Variants in DIAPH2 observed in about 807,000 individuals in gnomAD.
DIAPH2 encodes protein diaphanous homolog 2.
Under a neutral mutation model 92.7 loss-of-function variants are expected in DIAPH2, and 35 were observed. The observed-to-expected ratio is 0.38, with a 90% CI of 0.29 to 0.50. DIAPH2 has a LOEUF of 0.50. Among genes scored for constraint, DIAPH2 ranks in the 20% least tolerant of loss-of-function variants. DIAPH2 has a pLI of 0.94. For synonymous variants in DIAPH2, 301 were observed against 280.4 expected, an observed-to-expected ratio of 1.07 and a Z score of -0.73; for missense variants, 701 against 819.5, an observed-to-expected ratio of 0.86 and a Z score of 1.77.
chrX:97,576,268 G>A (rs889723687), intron 26 of DIAPH2, among the ~76,000 whole-genome samples: 3 of 111,572 alleles, frequency 2.7e-5, no homozygotes, highest in Admixed American at 1.9e-4. Context: ...TGTGCAGACT[G>A]CAGTCAGACA....
chrX:97,051,649 GTTCT>G (rs754300054), intron 17 of DIAPH2, among the ~76,000 whole-genome samples: 1 of 110,551 alleles, frequency 9.0e-6, no homozygotes, highest in Non-Finnish European at 1.9e-5. Flanking sequence ...ATAATGTGGG[GTTCT>G]TTAATTAGCT....
At chrX:96,921,926 C>T (rs2065548064) in intron 9 of DIAPH2, among the ~76,000 whole-genome samples, 1 of 111,088 alleles carries the variant, frequency 9.0e-6, no homozygotes, top group South Asian at 3.8e-4. Flanking sequence ...TACAATCCAA[C>T]TGTGGTAGTG....
intron 4 of DIAPH2, among the ~76,000 whole-genome samples, chrX:96,760,614 T>C (rs1255457614): frequency 9.0e-6 from 1 of 111,372 alleles, no homozygotes; most frequent in Non-Finnish European, 1.9e-5. Flanking sequence ...TCTATCATGC[T>C]CCTGGGTTCT....
intron 4 of DIAPH2, chrX:96,763,005 C>A: frequency 1.5e-6 from 1 of 646,664 alleles, no homozygotes; most frequent in Non-Finnish European, 2.1e-6. Context: ...ATTTACTAAA[C>A]ACTTAACCTC....
intron 4 of DIAPH2, among the ~76,000 whole-genome samples, chrX:96,775,860 T>A (rs1369897241): frequency 1.8e-5 from 2 of 111,603 alleles, no homozygotes; most frequent in African/African-American, 6.5e-5. Context: ...ACAGTACACA[T>A]TTAAATCATT....
chrX:97,058,132 A>G (rs1294888373), intron 17 of DIAPH2, among the ~76,000 whole-genome samples: 1 of 111,546 alleles, frequency 9.0e-6, no homozygotes, highest in African/African-American at 3.3e-5. Context: ...TGAACAGTAT[A>G]ATCTCTTTTG....
intron 25 of DIAPH2, among the ~76,000 whole-genome samples, chrX:97,428,116 T>C (rs1197829440): frequency 9.0e-6 from 1 of 111,651 alleles, no homozygotes; most frequent in African/African-American, 3.3e-5. Flanking sequence ...TTTTTTTCAT[T>C]CAATACCCCA....
chrX:96,847,693 A>C (rs977213841), intron 4 of DIAPH2, among the ~76,000 whole-genome samples: 1 of 110,579 alleles, frequency 9.0e-6, no homozygotes, highest in African/African-American at 3.3e-5. Flanking sequence ...GGTAAATTGC[A>C]TGTTGAGGGA....
At chrX:96,816,634 A>G (rs1166875305) in intron 4 of DIAPH2, among the ~76,000 whole-genome samples, 3 of 112,264 alleles carry the variant, frequency 2.7e-5, no homozygotes, top group Non-Finnish European at 5.6e-5. Context: ...GGGAATGTAA[A>G]TCAATACAAC....
chrX:97,278,108 T>C (rs2068466912), intron 23 of DIAPH2, among the ~76,000 whole-genome samples: 1 of 112,187 alleles, frequency 8.9e-6, no homozygotes, highest in African/African-American at 3.2e-5. Flanking sequence ...CCTCCCAAAG[T>C]GCTGGGACTA....
intron 7 of DIAPH2, among the ~76,000 whole-genome samples, chrX:96,915,772 C>T (rs1420953123): frequency 1.8e-5 from 2 of 111,750 alleles, no homozygotes; most frequent in Non-Finnish European, 3.8e-5. Flanking sequence ...TTATTAAGTG[C>T]GTGCATGCAC....
intron 4 of DIAPH2, among the ~76,000 whole-genome samples, chrX:96,817,127 G>A (rs1174560515): frequency 2.7e-5 from 3 of 111,889 alleles, no homozygotes; most frequent in Non-Finnish European, 5.6e-5. Flanking sequence ...CAAAAAAATA[G>A]AATGAATAAG....
intron 17 of DIAPH2, among the ~76,000 whole-genome samples, chrX:97,042,400 T>C (rs938446415): frequency 5.4e-5 from 6 of 111,976 alleles, no homozygotes; most frequent in Admixed American, 9.4e-5. Flanking sequence ...TATGTTTTCA[T>C]TGAGTGAATA....
intron 19 of DIAPH2, among the ~76,000 whole-genome samples, chrX:97,097,778 C>CA (rs199799302): frequency 2.1e-4 from 23 of 108,454 alleles, no homozygotes; most frequent in Non-Finnish European, 3.6e-4. Context: ...ATACTTCACA[C>CA]AAAAAAAAAT....
At chrX:97,045,826 T>C (rs2066478647) in intron 17 of DIAPH2, among the ~76,000 whole-genome samples, 1 of 105,225 alleles carries the variant, frequency 9.5e-6, no homozygotes, top group Non-Finnish European at 1.9e-5. Flanking sequence ...GTGGGAAGGG[T>C]ATGGTATTAG....
intron 25 of DIAPH2, among the ~76,000 whole-genome samples, chrX:97,398,306 G>A (rs1353268756): frequency 8.9e-6 from 1 of 111,932 alleles, no homozygotes; most frequent in African/African-American, 3.2e-5. Context: ...ATCTGATCAT[G>A]TTTTGAGGGG....
At chrX:96,888,641 C>CTA (rs765456468) in intron 5 of DIAPH2, among the ~76,000 whole-genome samples, 2,161 of 93,749 alleles carry the variant, frequency 0.023, 68 homozygotes, top group African/African-American at 0.084. Context: ...ATATATATAT[C>CTA]TATATATATA....
At chrX:97,191,908 C>A (rs1249351207) in intron 22 of DIAPH2, among the ~76,000 whole-genome samples, 1 of 110,992 alleles carries the variant, frequency 9.0e-6, no homozygotes, top group Non-Finnish European at 1.9e-5. Context: ...AAAAACTGAA[C>A]ATTAGCATGT....
At chrX:96,964,044 A>T (rs1015084896) in intron 16 of DIAPH2, among the ~76,000 whole-genome samples, 43 of 111,130 alleles carry the variant, frequency 3.9e-4, no homozygotes, top group Non-Finnish European at 6.6e-4. Flanking sequence ...TGTCTGTTTT[A>T]AAAGGTTATT....
Sources: allele counts gnomAD v4.1 joint callset (sites outside exome capture counted in the v4.1 genomes callset), GRCh38; gene constraint gnomAD v4.1.1; transcripts MANE v1.5; gene names NCBI Gene and HGNC (gene_info 2026-07-23, HGNC 2026-07-21).